Variants in EPSTI1 observed in about 807,000 individuals in gnomAD.
EPSTI1 encodes the protein epithelial-stromal interaction protein 1.
Under a neutral mutation model 49.9 loss-of-function variants are expected in EPSTI1, and 66 were observed. The ratio of observed to expected loss-of-function variants is 1.32; its 90% CI spans 1.08 to 1.62. The LOEUF (loss-of-function observed/expected upper bound fraction) is 1.62, where lower values mean the gene tolerates loss of function less well. EPSTI1 is among the 40% of genes most tolerant of loss of function. The pLI, the probability that EPSTI1 is intolerant of heterozygous loss-of-function variation, is 0.00. For missense variants in EPSTI1, 394 were observed against 365.5 expected (o/e 1.08, Z -0.64); for synonymous variants, 137 against 130.7 (o/e 1.05, Z -0.33).
intron 1 of EPSTI1, among the ~76,000 whole-genome samples, chr13:42,975,195 C>G (rs1490794922): frequency 6.6e-6 from 1 of 152,154 alleles, no homozygotes; most frequent in Admixed American, 6.5e-5. Flanking sequence ...TGAGTCAAAA[C>G]TTTTGAGGCA....
At chr13:42,937,051 A>C (rs1449601962) in intron 6 of EPSTI1, among the ~76,000 whole-genome samples, 2 of 122,804 alleles carry the variant, frequency 1.6e-5, no homozygotes, top group Non-Finnish European at 3.7e-5. Flanking sequence ...GTTTGGTTCC[A>C]GACCACTGCA....
At chr13:42,923,125 A>C (rs2038064745) in intron 7 of EPSTI1, among the ~76,000 whole-genome samples, 2 of 152,242 alleles carry the variant, frequency 1.3e-5, no homozygotes, top group Non-Finnish European at 2.9e-5. Flanking sequence ...GGAGAGACGG[A>C]GGGACAGAGA....
intron 9 of EPSTI1, among the ~76,000 whole-genome samples, chr13:42,897,150 C>T (rs998863156): frequency 6.6e-6 from 1 of 151,782 alleles, no homozygotes; most frequent in African/African-American, 2.4e-5. Flanking sequence ...AGTCCAAGCT[C>T]ATTTGTACTT....
At chr13:42,920,910 A>G (rs981805779) in intron 7 of EPSTI1, among the ~76,000 whole-genome samples, 3 of 152,136 alleles carry the variant, frequency 2.0e-5, no homozygotes, top group Non-Finnish European at 2.9e-5. Context: ...CATTTTTTTA[A>G]ATCTCCCCTT....
intron 5 of EPSTI1, 75 bp from the exon 6 acceptor site, chr13:42,954,096 G>C: frequency 7.6e-7 from 1 of 1,313,622 alleles, no homozygotes. Context: ...GTTACCCAAG[G>C]TCCAAAATCC....
chr13:42,955,879 G>GCGT (rs1555266330), intron 5 of EPSTI1, among the ~76,000 whole-genome samples: 1 of 106,110 alleles, frequency 9.4e-6, no homozygotes, highest in African/African-American at 3.1e-5. Flanking sequence ...GAAGTATTTG[G>GCGT]GGGGGGGGGG....
chr13:42,916,299 A>C (rs930201765), intron 8 of EPSTI1, among the ~76,000 whole-genome samples: 6 of 151,952 alleles, frequency 3.9e-5, no homozygotes, highest in Middle Eastern at 3.2e-3. Context: ...CTAAGGGATA[A>C]AAATGTTTCA....
At chr13:42,988,806 C>G (rs1261233465) in intron 1 of EPSTI1, among the ~76,000 whole-genome samples, 1 of 151,260 alleles carries the variant, frequency 6.6e-6, no homozygotes, top group Non-Finnish European at 1.5e-5. Flanking sequence ...ATATTGATAG[C>G]CACAGATTTT....
At position 42,958,022 on chromosome 13, in the gene EPSTI1, T is replaced by C. The variant is rs117545239; in HGVS notation, c.490-4001A>G. Among the ~76,000 whole-genome samples the C allele has an allele frequency of 1.8e-4, 28 of 152,376 alleles. No homozygotes were observed. In the East Asian group the frequency reaches 5.4e-3, roughly 29 times the overall value. On this transcript the variant is annotated intron_variant, in intron 5 of 10. Coordinates refer to ENST00000313624, the MANE Select transcript of EPSTI1 (RefSeq NM_033255.5). ...CCTGGGCTCAAGCAATCTTTCCTTC[T>C]TGGCCTCCCAGTGTCCTGGGATTAC...
intron 7 of EPSTI1, among the ~76,000 whole-genome samples, chr13:42,925,483 C>T (rs2038142661): frequency 6.6e-6 from 1 of 152,138 alleles, no homozygotes; most frequent in Admixed American, 6.5e-5. Flanking sequence ...CTGGGTGGCG[C>T]TACTGGCCCT....
At position 42,894,415 on chromosome 13, in the gene EPSTI1, T is replaced by C. The variant is rs115110636; in HGVS notation, c.915+594A>G. On this transcript the variant is annotated intron_variant, in intron 10 of 10. Transcript: ENST00000313624. ...GTACACATTGCAAACCTCACAATTA[T>C]ATATGTTCCAAAGCTTTGGTGCTCG... Among the ~76,000 whole-genome samples the C allele has an allele frequency of 7.6e-3, 1,163 of 152,316 alleles. 18 individuals are homozygous for C. Among genetic ancestry groups the C allele is most frequent in the African/African-American group, 0.025 (1,040 of 41,562 alleles).
intron 10 of EPSTI1, among the ~76,000 whole-genome samples, chr13:42,890,442 A>T (rs1050383117): frequency 1.3e-5 from 2 of 151,328 alleles, no homozygotes; most frequent in African/African-American, 4.8e-5. Context: ...GGACTACAGG[A>T]GCCCGCCACC....
At chr13:42,950,763 C>T (rs1054220276) in intron 6 of EPSTI1, among the ~76,000 whole-genome samples, 2 of 152,142 alleles carry the variant, frequency 1.3e-5, no homozygotes, top group Non-Finnish European at 2.9e-5. Context: ...ATGTACGTTT[C>T]TATTTTATGT....
chr13:42,969,294 G>T, intron 2 of EPSTI1, 117 bp from the exon 3 acceptor site: 1 of 966,822 alleles, frequency 1.0e-6, no homozygotes, highest in Non-Finnish European at 1.5e-6. Context: ...GAGCATGAGT[G>T]AACAAGGCTT....
In EPSTI1 at chr13:42,895,020, CG is replaced by C. The variant is rs1295610419; in HGVS notation, c.903del (p.Ser301ArgfsTer89). ...EQSGGCWNMN[S>X]GNSWGI is the part of the protein sequence containing the mutation. ...AAGAAAAAACTCACCCAGCTGTTAC[CG>C]CTATTCATATTCCAACAGCCTCCAG... On this transcript the variant is annotated frameshift_variant, in exon 10 of 11. Coordinates refer to ENST00000313624, the MANE Select transcript of EPSTI1 (RefSeq NM_033255.5). LOFTEE classifies it high-confidence loss of function. 4.3e-6 allele frequency: 7 copies of C among 1,611,204 alleles called. No individual in the cohort carries two copies. Among genetic ancestry groups the C allele is most frequent in the Non-Finnish European group, 5.9e-6 (7 of 1,178,466 alleles).
At chr13:42,908,484 GAAAAAA>G (rs140923122) in intron 8 of EPSTI1, among the ~76,000 whole-genome samples, 26 of 113,362 alleles carry the variant, frequency 2.3e-4, no homozygotes, top group African/African-American at 6.8e-4. Context: ...ACTCTGTTAT[GAAAAAA>G]AAAAAAAAAA....
intron 6 of EPSTI1, among the ~76,000 whole-genome samples, chr13:42,929,656 G>A (rs1019605654): frequency 6.6e-6 from 1 of 152,212 alleles, no homozygotes; most frequent in Non-Finnish European, 1.5e-5. Context: ...GTTACTGCTA[G>A]AGAAAGACAG....
At chr13:42,932,150 C>G (rs1031403893) in intron 6 of EPSTI1, among the ~76,000 whole-genome samples, 2 of 151,976 alleles carry the variant, frequency 1.3e-5, no homozygotes, top group Admixed American at 1.3e-4. Context: ...CCGGGCTGAT[C>G]TCAAACTTCT....
chr13:42,911,893 T>C, intron 8 of EPSTI1, among the ~76,000 whole-genome samples: 1 of 152,226 alleles, frequency 6.6e-6, no homozygotes, highest in East Asian at 1.9e-4. Context: ...ATTTCTTTTT[T>C]TAGTATTGAA....
Sources: gnomAD v4.1 joint callset for allele counts (sites outside exome capture counted in the v4.1 genomes callset) on GRCh38, gnomAD v4.1.1 for gene constraint, MANE v1.5 for transcripts, NCBI Gene and HGNC (gene_info 2026-07-23, HGNC 2026-07-21) for gene names.